Variants in SLC2A7 observed in about 807,000 individuals in gnomAD.
SLC2A7 encodes solute carrier family 2, facilitated glucose transporter member 7.
Under a neutral mutation model 50.5 loss-of-function variants are expected in SLC2A7, and 50 were observed. The ratio of observed to expected loss-of-function variants is 0.99; its 90% CI spans 0.79 to 1.25. SLC2A7 has a LOEUF of 1.25. SLC2A7 is among the 50% of genes most tolerant of loss of function. The pLI is 0.00. For missense variants in SLC2A7, 683 were observed against 679.1 expected, an observed-to-expected ratio of 1.01 and a Z score of -0.06; for synonymous variants, 308 against 300.4, an observed-to-expected ratio of 1.03 and a Z score of -0.26.
Position 9,018,119 on chromosome 1 carries a change from C to G in SLC2A7, c.589+104G>C. 2.0e-6 allele frequency: 3 copies of G among 1,501,982 alleles called. No individual in the cohort carries two copies. In the Admixed American group the frequency reaches 5.7e-5, roughly 28 times the overall value. 93.0% of individuals were successfully genotyped at this position (1,501,982 alleles called of 1,614,324 possible). A position where few individuals can be genotyped will look rare whatever the true frequency, so the allele number is the denominator to read the frequency against. ...CCCACCACACTGCCCAACACCTGAC[C>G]CTAAAATCATCTCTCGGGTCTCATC... On this transcript the variant is annotated intron_variant, in intron 5 of 11. Coordinates refer to ENST00000400906, the MANE Select transcript of SLC2A7 (RefSeq NM_207420.3).
At chr1:8,999,617 A>T (rs1475971106), downstream of SLC2A7, among the ~76,000 whole-genome samples, 2 of 152,118 alleles carry the variant, frequency 1.3e-5, no homozygotes, top group East Asian at 3.9e-4. Flanking sequence ...TTGCTCTCAT[A>T]CCACTAACTG....
intron 7 of SLC2A7, 26 bp from the exon 8 acceptor site, chr1:9,013,661 G>C: frequency 6.2e-7 from 1 of 1,600,364 alleles, no homozygotes. Context: ...GGGCTGTCAG[G>C]ACAGGCCGGA....
intron 5 of SLC2A7, among the ~76,000 whole-genome samples, chr1:9,017,366 A>C (rs1449171875): frequency 6.6e-6 from 1 of 151,262 alleles, no homozygotes; most frequent in Non-Finnish European, 1.5e-5. Context: ...AACTAGCCAG[A>C]AGGAAAATCT....
At chr1:8,995,660 G>A in the SLC2A7 span, among the ~76,000 whole-genome samples, 8,422 of 152,084 alleles carry the variant, frequency 0.055, 747 homozygotes, top group African/African-American at 0.19. Flanking sequence ...CAGGAGAATC[G>A]CTTGAAACCA....
chr1:9,009,378 C>T (rs1331844069), intron 9 of SLC2A7, among the ~76,000 whole-genome samples: 1 of 152,196 alleles, frequency 6.6e-6, no homozygotes, highest in Non-Finnish European at 1.5e-5. Flanking sequence ...AGGCTGAGAA[C>T]ACTGCAAATT....
chr1:9,011,291 TTCCAGC>T (rs1353463801), intron 8 of SLC2A7, among the ~76,000 whole-genome samples: 2 of 152,208 alleles, frequency 1.3e-5, no homozygotes, highest in Non-Finnish European at 2.9e-5. Context: ...CAAACTGTCT[TTCCAGC>T]AGTAGCCACC....
rs370377049 is a variant in SLC2A7, at chr1:9,024,986, G to A, written c.140C>T (p.Thr47Met). 9.0e-6 allele frequency: 14 copies of A among 1,547,024 alleles called. No individual in the cohort carries two copies. The highest frequency in any genetic ancestry group is 1.1e-5 in the South Asian group (1 of 87,412). The change falls in exon 2 of 12, where the codon ACG becomes ATG. Residue 47 changes from threonine (T) to methionine (M), a missense_variant. Coordinates refer to ENST00000400906, the MANE Select transcript of SLC2A7 (RefSeq NM_207420.3). ...CCACCTTGTGCCCACCTTGTGCGGC[G>A]TGTTGACCACAGAGAGGTTGTAGCC... ...QYGYNLSVVN[T>M]PHKVFKSFYN...
At position 9,008,419 on chromosome 1, in the gene SLC2A7, C is replaced by G. The variant is rs369788231; in HGVS notation, c.1117-1034G>C. ...GGGCCGCCCTGGACCCGGTGTGAAG[C>G]GAGCAGCTGCTGCTGCATTTTCAGG... On this transcript the variant is annotated intron_variant, in intron 9 of 11. Coordinates refer to ENST00000400906, the MANE Select transcript of SLC2A7 (RefSeq NM_207420.3). This position sits in a 1 kb window ranked among gnomAD's most constrained non-coding sequence, Gnocchi z 5.9. Among the ~76,000 whole-genome samples, 2 of 152,164 alleles carry G rather than the reference C, an allele frequency of 1.3e-5. No homozygotes were observed. The highest frequency in any genetic ancestry group is 1.9e-4 in the East Asian group (1 of 5,186).
chr1:9,001,140 C>G (rs1249774877), downstream of SLC2A7, among the ~76,000 whole-genome samples: 1 of 152,076 alleles, frequency 6.6e-6, no homozygotes, highest in East Asian at 1.9e-4. Context: ...ACGGTGATTC[C>G]AGGGCCCAGA....
chr1:9,021,592 C>A (rs1302104258), intron 3 of SLC2A7, among the ~76,000 whole-genome samples: 1 of 152,124 alleles, frequency 6.6e-6, no homozygotes, highest in African/African-American at 2.4e-5. Context: ...GCCAGGGAGT[C>A]CACAGACAAG....
intron 5 of SLC2A7, among the ~76,000 whole-genome samples, chr1:9,017,774 C>A (rs1200238637): frequency 6.6e-6 from 1 of 152,222 alleles, no homozygotes; most frequent in African/African-American, 2.4e-5. Context: ...CGCTCTCAGG[C>A]AATGGCCTTG....
chr1:9,019,817 G>C (rs1024111326), intron 3 of SLC2A7, among the ~76,000 whole-genome samples: 1 of 152,088 alleles, frequency 6.6e-6, no homozygotes, highest in Admixed American at 6.6e-5. Context: ...TCAGCTACTC[G>C]GGAGGCTGAG....
chr1:9,007,454 G>A lies in SLC2A7; in HGVS notation c.1117-69C>T, dbSNP rs903125738. The A allele has an allele frequency of 2.6e-5, 39 of 1,472,728 alleles. No individual in the cohort carries two copies. In the Admixed American group the frequency reaches 3.1e-4, roughly 12 times the overall value. 91.2% of individuals were successfully genotyped at this position (1,472,728 alleles called of 1,614,324 possible). ...CACGTGCGGGGGGGTCCACCTGCGG[G>A]TCCCACCTTCCTGCCCCAGGGAGGA... On this transcript the variant is annotated intron_variant, in intron 9 of 11. Transcript: ENST00000400906.
chr1:9,007,085 A>G (rs1247551190), intron 10 of SLC2A7, among the ~76,000 whole-genome samples: 1 of 152,146 alleles, frequency 6.6e-6, no homozygotes, highest in Non-Finnish European at 1.5e-5. Flanking sequence ...CCCCCCTGGG[A>G]GCCACAGATG....
At chr1:9,015,889 CA>C (rs1403953306) in intron 5 of SLC2A7, among the ~76,000 whole-genome samples, 3 of 120,446 alleles carry the variant, frequency 2.5e-5, no homozygotes, top group African/African-American at 1.0e-4. Context: ...GCACCTGGCT[CA>C]TTTTTTTTTT....
rs757016567 is a variant in SLC2A7, at chr1:9,003,529, A to G, written c.1321-11T>C. On this transcript the variant is annotated splice_polypyrimidine_tract_variant and intron_variant, in intron 11 of 11. Coordinates refer to ENST00000400906, the MANE Select transcript of SLC2A7 (RefSeq NM_207420.3). Reference sequence around the variant, plus strand: ...GGCACCGATGGCCTCCTAGACCAGGAGACGAGAAAGACAGGAGGGGGCAGA... The same window carrying G: ...GGCACCGATGGCCTCCTAGACCAGGGGACGAGAAAGACAGGAGGGGGCAGA... The G allele has an allele frequency of 1.8e-4, 285 of 1,612,132 alleles. No homozygotes were observed. The highest frequency in any genetic ancestry group is 2.2e-4 in the Non-Finnish European group (260 of 1,178,368).
intron 9 of SLC2A7, among the ~76,000 whole-genome samples, chr1:9,007,987 T>A (rs1640682253): frequency 6.6e-6 from 1 of 151,934 alleles, no homozygotes; most frequent in East Asian, 2.0e-4. Context: ...CCCTCAGGGA[T>A]CAAGCAGTGG....
At chr1:8,995,048 C>T in the SLC2A7 span, among the ~76,000 whole-genome samples, 3 of 150,110 alleles carry the variant, frequency 2.0e-5, no homozygotes, top group South Asian at 2.1e-4. Flanking sequence ...TGGGATTACA[C>T]GTGTGAGCCA....
At position 9,008,264 on chromosome 1, in the gene SLC2A7, G is replaced by A. The variant is rs565893608; in HGVS notation, c.1117-879C>T. Among the ~76,000 whole-genome samples, 6 of 152,274 alleles carry A rather than the reference G, an allele frequency of 3.9e-5. No homozygotes were observed. Among genetic ancestry groups the A allele is most frequent in the South Asian group, 2.1e-4 (1 of 4,830 alleles). On this transcript the variant is annotated intron_variant, in intron 9 of 11. Coordinates refer to ENST00000400906, the MANE Select transcript of SLC2A7 (RefSeq NM_207420.3). The surrounding 1 kb of genome is among the most constrained non-coding windows in gnomAD (Gnocchi z 5.9). ...TGGCAGCAGAGCTGGATGGCGAGGT[G>A]GGAGGGGAGGCACTGGGAGCTTCCA...
Sources: allele counts gnomAD v4.1 joint callset (sites outside exome capture counted in the v4.1 genomes callset), GRCh38; gene constraint gnomAD v4.1.1; non-coding constraint Gnocchi (gnomAD v3.1); transcripts MANE v1.5; gene names NCBI Gene and HGNC (gene_info 2026-07-23, HGNC 2026-07-21).